TNFRSF11B: variants seen among roughly 807,000 people sequenced by gnomAD.
TNFRSF11B encodes the protein tumor necrosis factor receptor superfamily member 11B.
Under a neutral mutation model 43.4 loss-of-function variants are expected in TNFRSF11B, and 16 were observed. The observed-to-expected ratio is 0.37, with a 90% CI of 0.25 to 0.56. The LOEUF (loss-of-function observed/expected upper bound fraction) is 0.56. Among genes scored for constraint, TNFRSF11B ranks in the 20% least tolerant of loss-of-function variants. The pLI, the probability that TNFRSF11B is intolerant of heterozygous loss-of-function variation, is 0.80. For missense variants in TNFRSF11B, 444 were observed against 490.1 expected (o/e 0.91, Z 0.89); for synonymous variants, 185 against 181.8 (o/e 1.02, Z -0.14).
chr8:118,932,294 T>C (rs1009558728), intron 2 of TNFRSF11B, among the ~76,000 whole-genome samples: 2 of 152,200 alleles, frequency 1.3e-5, no homozygotes, highest in African/African-American at 4.8e-5. Context: ...GCACTTGGTT[T>C]ATAGGCAAGT....
intron 1 of TNFRSF11B, among the ~76,000 whole-genome samples, chr8:118,938,768 T>C (rs1463720783): frequency 6.6e-6 from 1 of 152,192 alleles, no homozygotes; most frequent in Non-Finnish European, 1.5e-5. Context: ...TCACAACTAA[T>C]TTGACTAGAG....
At chr8:118,928,463 C>A (rs563459218) in intron 3 of TNFRSF11B, among the ~76,000 whole-genome samples, 1 of 152,316 alleles carries the variant, frequency 6.6e-6, no homozygotes, top group East Asian at 1.9e-4. Context: ...CAGTGGCAAA[C>A]TTGACACTGC....
chr8:118,941,132 A>AT (rs965504808), intron 1 of TNFRSF11B, among the ~76,000 whole-genome samples: 3 of 152,172 alleles, frequency 2.0e-5, no homozygotes, highest in South Asian at 2.1e-4. Context: ...AAAGGAAGAG[A>AT]TTTTTTAAAG....
chr8:118,943,182 A>G (rs946620369), intron 1 of TNFRSF11B, among the ~76,000 whole-genome samples: 1 of 152,132 alleles, frequency 6.6e-6, no homozygotes, highest in Non-Finnish European at 1.5e-5. Flanking sequence ...GTTACTCATC[A>G]TACACTTATT....
intron 2 of TNFRSF11B, among the ~76,000 whole-genome samples, chr8:118,932,641 G>A (rs1422671858): frequency 7.0e-6 from 1 of 143,256 alleles, no homozygotes; most frequent in Non-Finnish European, 1.5e-5. Context: ...TATCAATAGT[G>A]CAACTTGAGT....
chr8:118,924,346 G>A lies in TNFRSF11B; in HGVS notation c.*28C>T. On this transcript the variant is annotated 3_prime_UTR_variant, in exon 5 of 5. Coordinates refer to ENST00000297350, the MANE Select transcript of TNFRSF11B (RefSeq NM_002546.4). Reference sequence around the variant, plus strand: ...TCATCCATGGGATCTCGCCAATTGTGAGGAAACAGCTCAATGGCCATTTCC... The same window carrying A: ...TCATCCATGGGATCTCGCCAATTGTAAGGAAACAGCTCAATGGCCATTTCC... 6.2e-7 allele frequency: 1 copy of A among 1,612,904 alleles called. No individual in the cohort carries two copies.
chr8:118,938,106 A>G (rs1423207175), intron 1 of TNFRSF11B, among the ~76,000 whole-genome samples: 1 of 152,106 alleles, frequency 6.6e-6, no homozygotes, highest in Non-Finnish European at 1.5e-5. Context: ...ATGCAAGAAG[A>G]AAAAAAGGAG....
intron 1 of TNFRSF11B, among the ~76,000 whole-genome samples, chr8:118,946,458 A>G (rs1442571920): frequency 6.6e-6 from 1 of 152,188 alleles, no homozygotes; most frequent in African/African-American, 2.4e-5. Flanking sequence ...TACATGTCAC[A>G]TAAAAACACC....
intron 1 of TNFRSF11B, among the ~76,000 whole-genome samples, chr8:118,938,081 G>A (rs777012156): frequency 1.3e-5 from 2 of 152,130 alleles, no homozygotes; most frequent in African/African-American, 2.4e-5. Context: ...AAGTAGGAAA[G>A]TATCATAATG....
In TNFRSF11B at chr8:118,932,913, C is replaced by T. The variant is rs1252260444; in HGVS notation, c.400+18G>A. ...CTTTGCATGATCCTAATTAATTTTG[C>T]TGCACATTGACACGTACCAGCTTGC... On this transcript the variant is annotated intron_variant, in intron 2 of 4. Coordinates refer to ENST00000297350, the MANE Select transcript of TNFRSF11B (RefSeq NM_002546.4). The T allele has an allele frequency of 6.2e-7, 1 of 1,613,888 alleles. No homozygotes were observed. The highest frequency in any genetic ancestry group is 8.5e-7 in the Non-Finnish European group (1 of 1,180,004).
In TNFRSF11B at chr8:118,933,046, C is replaced by T. The variant is rs775116631; in HGVS notation, c.285G>A (p.Gln95=). ...CGCGGTTGTGGGTGCGATTGCACTC[C>T]TGCTTGACGTACTGCAGCTCCTTGC... ...PVCKELQYVK[Q]ECNRTHNRVC... Residue 95 remains glutamine (Q), a synonymous_variant, in exon 2 of 5, where the codon CAG becomes CAA. Transcript: ENST00000297350. The T allele has an allele frequency of 6.8e-6, 11 of 1,614,202 alleles. No homozygotes were observed. Among genetic ancestry groups the T allele is most frequent in the Non-Finnish European group, 9.3e-6 (11 of 1,180,038 alleles).
intron 1 of TNFRSF11B, among the ~76,000 whole-genome samples, chr8:118,934,915 A>G (rs1985851134): frequency 1.3e-5 from 2 of 152,214 alleles, no homozygotes; most frequent in Admixed American, 1.3e-4. Context: ...TGAACATTTT[A>G]ACTGAAGTAA....
chr8:118,934,493 C>A (rs893963168), intron 1 of TNFRSF11B, among the ~76,000 whole-genome samples: 1 of 152,140 alleles, frequency 6.6e-6, no homozygotes, highest in African/African-American at 2.4e-5. Flanking sequence ...TACATAATGG[C>A]AGGAAGAGGC....
At chr8:118,936,652 G>T (rs891038068) in intron 1 of TNFRSF11B, among the ~76,000 whole-genome samples, 1 of 151,934 alleles carries the variant, frequency 6.6e-6, no homozygotes, top group Non-Finnish European at 1.5e-5. Context: ...ATTCATTTCT[G>T]TGTAAAATGC....
intron 1 of TNFRSF11B, among the ~76,000 whole-genome samples, chr8:118,942,703 A>C (rs1812504945): frequency 6.6e-6 from 1 of 152,148 alleles, no homozygotes; most frequent in East Asian, 1.9e-4. Flanking sequence ...TTTACATATA[A>C]AGAAACCGAA....
intron 2 of TNFRSF11B, among the ~76,000 whole-genome samples, chr8:118,929,626 C>T (rs1461804359): frequency 6.6e-6 from 1 of 151,178 alleles, no homozygotes; most frequent in Non-Finnish European, 1.5e-5. Context: ...GGGCATTTTA[C>T]TTCATGATGG....
chr8:118,932,384 C>T (rs1812342134), intron 2 of TNFRSF11B, among the ~76,000 whole-genome samples: 1 of 152,192 alleles, frequency 6.6e-6, no homozygotes. Context: ...AGTCCTTACC[C>T]TCCCAAACAC....
intron 1 of TNFRSF11B, among the ~76,000 whole-genome samples, chr8:118,936,138 T>G (rs1812403126): frequency 6.6e-6 from 1 of 152,132 alleles, no homozygotes; most frequent in African/African-American, 2.4e-5. Flanking sequence ...CTTCAGAAAT[T>G]TGTTGCTCTT....
intron 3 of TNFRSF11B, among the ~76,000 whole-genome samples, chr8:118,927,903 A>G (rs1278289847): frequency 2.0e-5 from 3 of 152,168 alleles, no homozygotes; most frequent in African/African-American, 7.2e-5. Flanking sequence ...TGAACTTAAT[A>G]CTAGTGACCT....
Sources: gnomAD v4.1 joint callset for allele counts (sites outside exome capture counted in the v4.1 genomes callset) on GRCh38, gnomAD v4.1.1 for gene constraint, MANE v1.5 for transcripts, NCBI Gene and HGNC (gene_info 2026-07-23, HGNC 2026-07-21) for gene names.